The following CPEB1 variants were observed in gnomAD, a reference collection of about 807,000 sequenced individuals.
CPEB1 encodes cytoplasmic polyadenylation element binding protein 1, also known as cytoplasmic polyadenylation element-binding protein 1.
CPEB1 carries 7 observed loss-of-function variants against 65.8 expected under a neutral mutation model. The observed-to-expected ratio is 0.11, with a 90% CI of 0.06 to 0.20. The LOEUF is 0.20. CPEB1 is among the 10% of genes least tolerant of loss of function. CPEB1 has a pLI of 1.00. For missense variants in CPEB1, 551 were observed against 712.2 expected (o/e 0.77, Z 2.58); for synonymous variants, 262 against 260.0 (o/e 1.01, Z -0.08).
chr15:82,641,463 C>A (rs2047109950), intron 1 of CPEB1, among the ~76,000 whole-genome samples: 1 of 152,178 alleles, frequency 6.6e-6, no homozygotes, highest in Non-Finnish European at 1.5e-5. Context: ...ACACTTTTAT[C>A]AAAGGGGATT....
intron 3 of CPEB1, 135 bp downstream of exon 3, chr15:82,627,057 AC>A: frequency 1.6e-6 from 1 of 644,438 alleles, no homozygotes; most frequent in Non-Finnish European, 2.5e-6. Context: ...CATAAACTAA[AC>A]CACAAAAAGG....
chr15:82,569,824 G>A (rs1214679293), intron 4 of CPEB1, among the ~76,000 whole-genome samples: 1 of 152,216 alleles, frequency 6.6e-6, no homozygotes, highest in African/African-American at 2.4e-5. Context: ...ACAGACAGGT[G>A]CCCATCTCCT....
intron 9 of CPEB1, among the ~76,000 whole-genome samples, chr15:82,551,587 C>A (rs918889772): frequency 1.3e-5 from 2 of 152,208 alleles, no homozygotes; most frequent in African/African-American, 2.4e-5. Context: ...CCCTGGCAAC[C>A]ACTGATCTTT....
chr15:82,602,261 AC>A (rs1353832736), intron 3 of CPEB1, among the ~76,000 whole-genome samples: 1 of 152,224 alleles, frequency 6.6e-6, no homozygotes, highest in African/African-American at 2.4e-5. Context: ...TCAGGGACCA[AC>A]AAGACATCCA....
At chr15:82,641,699 CAA>C (rs959792133) in intron 1 of CPEB1, 4 of 148,934 alleles carry the variant, frequency 2.7e-5, no homozygotes, top group African/African-American at 5.0e-5. Flanking sequence ...TAAATCAAAA[CAA>C]AGAGTGTTAA....
chr15:82,565,458 T>C (rs1348708401), intron 4 of CPEB1, among the ~76,000 whole-genome samples: 1 of 152,030 alleles, frequency 6.6e-6, no homozygotes, highest in African/African-American at 2.4e-5. Flanking sequence ...AGGAGCAAAA[T>C]AGCTAGCGTT....
At chr15:82,573,989 G>A (rs909831733) in intron 3 of CPEB1, among the ~76,000 whole-genome samples, 7 of 152,060 alleles carry the variant, frequency 4.6e-5, no homozygotes, top group Admixed American at 1.3e-4. Context: ...CAGTACTGAT[G>A]TGTACAACTA....
At chr15:82,638,663 G>A (rs2046859952) in intron 1 of CPEB1, 1 of 151,972 alleles carries the variant, frequency 6.6e-6, no homozygotes, top group Admixed American at 6.5e-5. Context: ...GTTTTCAAAG[G>A]AAAAAAAGAG....
chr15:82,573,225 C>T, intron 3 of CPEB1: 1 of 1,415,382 alleles, frequency 7.1e-7, no homozygotes, highest in African/African-American at 1.5e-5. Flanking sequence ...CAGTCTCCTT[C>T]CTTTGGAGAT....
intron 3 of CPEB1, among the ~76,000 whole-genome samples, chr15:82,619,896 AC>A (rs946677602): frequency 6.2e-4 from 94 of 152,308 alleles, no homozygotes; most frequent in African/African-American, 2.2e-3. Context: ...ATACCCTATG[AC>A]CCAACAATCC....
intron 12 of CPEB1, 50 bp downstream of exon 12, chr15:82,546,391 A>C (rs554018142): frequency 6.6e-7 from 1 of 1,507,952 alleles, no homozygotes; most frequent in East Asian, 2.3e-5. Flanking sequence ...CACCGCGCCC[A>C]GCCAACAATT....
At chr15:82,571,971 A>C (rs2040103115) in intron 3 of CPEB1, 1 of 535,310 alleles carries the variant, frequency 1.9e-6, no homozygotes. Flanking sequence ...TCTGGGTTGC[A>C]AGGCAGCGCC....
intron 6 of CPEB1, 133 bp downstream of exon 6, chr15:82,555,737 C>A (rs1049353263): frequency 3.0e-5 from 27 of 896,040 alleles, no homozygotes; most frequent in African/African-American, 1.7e-4. Context: ...AAAGATAATT[C>A]TTTGCAGATC....
chr15:82,560,652 C>G (rs2150992783), intron 4 of CPEB1, among the ~76,000 whole-genome samples: 1 of 152,324 alleles, frequency 6.6e-6, no homozygotes, highest in East Asian at 1.9e-4. Flanking sequence ...CTCAGCCTCA[C>G]AAACTCCTAG....
At chr15:82,564,928 A>C (rs1372521461) in intron 4 of CPEB1, among the ~76,000 whole-genome samples, 1 of 152,090 alleles carries the variant, frequency 6.6e-6, no homozygotes, top group Non-Finnish European at 1.5e-5. Context: ...AACCACATAG[A>C]AAAACGGGGA....
At chr15:82,607,094 G>C (rs1472228097) in intron 3 of CPEB1, among the ~76,000 whole-genome samples, 5 of 152,032 alleles carry the variant, frequency 3.3e-5, no homozygotes, top group Non-Finnish European at 5.9e-5. Context: ...ACAAAAGAAA[G>C]CAGTAATGGA....
At chr15:82,642,638 G>A (rs763660787) in intron 1 of CPEB1, among the ~76,000 whole-genome samples, 1 of 152,170 alleles carries the variant, frequency 6.6e-6, no homozygotes, top group Non-Finnish European at 1.5e-5. Context: ...AACAAGAGAA[G>A]CAAAATTCTT....
intron 3 of CPEB1, among the ~76,000 whole-genome samples, chr15:82,623,295 A>G (rs1179690674): frequency 6.6e-6 from 1 of 152,204 alleles, no homozygotes; most frequent in Non-Finnish European, 1.5e-5. Flanking sequence ...GCAACTAGCA[A>G]TGTGAAACAC....
chr15:82,552,637 A>C, intron 8 of CPEB1, 21 bp from the exon 9 acceptor site: 1 of 1,613,692 alleles, frequency 6.2e-7, no homozygotes, highest in African/African-American at 1.3e-5. Flanking sequence ...TGAGAGGAAA[A>C]ATCGCATTAA....
Sources: gnomAD v4.1 joint callset for allele counts (sites outside exome capture counted in the v4.1 genomes callset) on GRCh38, gnomAD v4.1.1 for gene constraint, MANE v1.5 for transcripts, NCBI Gene and HGNC (gene_info 2026-07-23, HGNC 2026-07-21) for gene names.